SNX31: variants seen among roughly 807,000 people sequenced by gnomAD.
SNX31 encodes sorting nexin-31.
SNX31 carries 58 observed loss-of-function variants against 65.4 expected under a neutral mutation model. The observed-to-expected ratio is 0.89, with a 90% CI of 0.72 to 1.10. The LOEUF is 1.10. SNX31 is among the 50% of genes least tolerant of loss of function. The pLI, the probability that SNX31 is intolerant of heterozygous loss-of-function variation, is 0.00. For synonymous variants in SNX31, 181 were observed against 190.1 expected, an observed-to-expected ratio of 0.95 and a Z score of 0.39; for missense variants, 523 against 529.7, an observed-to-expected ratio of 0.99 and a Z score of 0.12.
At chr8:100,653,602 A>G (rs948514471), upstream of SNX31, among the ~76,000 whole-genome samples, 4 of 152,154 alleles carry the variant, frequency 2.6e-5, no homozygotes, top group East Asian at 7.7e-4. Flanking sequence ...TCAGCCCTAG[A>G]GCTTTCAGAG....
At chr8:100,646,813 T>C (rs1255670953) in intron 2 of SNX31, among the ~76,000 whole-genome samples, 6 of 152,232 alleles carry the variant, frequency 3.9e-5, no homozygotes, top group Non-Finnish European at 1.5e-5. Context: ...TATGTTAGTT[T>C]AGGACTCAGT....
intron 10 of SNX31, among the ~76,000 whole-genome samples, chr8:100,589,467 G>T (rs1185224119): frequency 6.6e-6 from 1 of 152,222 alleles, no homozygotes; most frequent in African/African-American, 2.4e-5. Context: ...CAGGTCTATG[G>T]AAGTAAATAG....
chr8:100,649,620 ACTCAGAGCGAACCCCGGCGCCCG>A lies in SNX31; in HGVS notation c.-129_-107del. 8.8e-7 allele frequency: 1 copy of A among 1,141,588 alleles called. No homozygotes were observed. Among genetic ancestry groups the A allele is most frequent in the East Asian group, 2.7e-5 (1 of 37,132 alleles). The allele number at this position is 1,141,588 out of a possible 1,614,324, so 70.7% of individuals were successfully genotyped here. A position where few individuals can be genotyped will look rare whatever the true frequency, so the allele number is the denominator to read the frequency against. The stretch of plus-strand genomic sequence containing the variant: ...TGGACGCAGCGCGGCCTGCCACGCG[ACTCAGAGCGAACCCCGGCGCCCG>A]CTCTCGCCGGCCGGGGACATCTACA... On this transcript the variant is annotated 5_prime_UTR_variant, in exon 1 of 14. It removes the in-frame stop codon of an upstream open reading frame in the 5' UTR. Transcript: ENST00000311812.
At position 100,613,201 on chromosome 8, in the gene SNX31, G is replaced by C; in HGVS notation, c.433-116C>G. 1 of 742,526 alleles carries C rather than the reference G, an allele frequency of 1.3e-6. No individual in the cohort carries two copies. Among genetic ancestry groups the C allele is most frequent in the East Asian group, 2.7e-5 (1 of 36,544 alleles). 46.0% of individuals were successfully genotyped at this position (742,526 alleles called of 1,614,324 possible). ...ACATCAATAAAAAATGCTGTCATGG[G>C]TTAGTGAACACTCAAAGAAAGCTTT... On this transcript the variant is annotated intron_variant, in intron 5 of 13. Transcript: ENST00000311812. This position sits in a 1 kb window ranked among gnomAD's most constrained non-coding sequence, Gnocchi z 5.2.
At chr8:100,627,288 G>A (rs1429653695) in intron 4 of SNX31, among the ~76,000 whole-genome samples, 1 of 152,210 alleles carries the variant, frequency 6.6e-6, no homozygotes, top group Non-Finnish European at 1.5e-5. Context: ...GGAGGTGGAA[G>A]TTGTGGTGAG....
At chr8:100,608,670 C>G in intron 7 of SNX31, 107 bp from the exon 8 acceptor site, 1 of 991,720 alleles carries the variant, frequency 1.0e-6, no homozygotes, top group Non-Finnish European at 1.6e-6. Flanking sequence ...CCAGGGCCCC[C>G]TTTTCCAACA....
In SNX31 at chr8:100,660,585, T is replaced by C. The variant is rs746121095; in HGVS notation, c.-58+2557A>G. Among the ~76,000 whole-genome samples, 20 of 152,206 alleles carry C rather than the reference T, an allele frequency of 1.3e-4. No individual in the cohort carries two copies. Among genetic ancestry groups the C allele is most frequent in the Non-Finnish European group, 7.3e-5 (5 of 68,036 alleles). On this transcript the variant is annotated intron_variant, in intron 1 of 5. Transcript: ENST00000520352. This position sits in a 1 kb window ranked among gnomAD's most constrained non-coding sequence, Gnocchi z 4.1. ...CTCTAACTCAAGTGGCAGGCGTCCC[T>C]GACCTGACAGAAGAAGGTTCTGTAG...
At chr8:100,656,316 A>G (rs566143768) in intron 1 of SNX31, among the ~76,000 whole-genome samples, 2 of 152,132 alleles carry the variant, frequency 1.3e-5, no homozygotes, top group Non-Finnish European at 2.9e-5. Flanking sequence ...AAGATTTTAA[A>G]GAAACTTCCA....
intron 12 of SNX31, among the ~76,000 whole-genome samples, chr8:100,579,766 G>A (rs929100581): frequency 6.6e-6 from 1 of 152,182 alleles, no homozygotes; most frequent in Non-Finnish European, 1.5e-5. Context: ...AAGCCATCTT[G>A]TTCTTCGCCA....
intron 2 of SNX31, among the ~76,000 whole-genome samples, chr8:100,639,545 G>A (rs926615475): frequency 6.6e-6 from 1 of 151,426 alleles, no homozygotes; most frequent in African/African-American, 2.4e-5. Context: ...TTACACATAA[G>A]GGGAAGAGGC....
intron 2 of SNX31, among the ~76,000 whole-genome samples, chr8:100,641,136 T>C (rs951204986): frequency 5.3e-5 from 8 of 152,304 alleles, no homozygotes; most frequent in Middle Eastern, 3.4e-3. Flanking sequence ...TCTGGAAAAC[T>C]GAGATCTGGA....
intron 1 of SNX31, among the ~76,000 whole-genome samples, chr8:100,661,617 C>T (rs930956440): frequency 2.6e-5 from 4 of 152,202 alleles, no homozygotes; most frequent in Admixed American, 6.5e-5. Flanking sequence ...CAGCCTCGAC[C>T]GCCTGGGCTC....
rs1815997784 is a variant in SNX31 at position 100,604,908 on chromosome 8, T to TC, written c.681+3585dup. On this transcript the variant is annotated intron_variant, in intron 8 of 13. Coordinates refer to ENST00000311812, the MANE Select transcript of SNX31 (RefSeq NM_152628.4). The surrounding 1 kb of genome is among the most constrained non-coding windows in gnomAD (Gnocchi z 4.3). ...ATGACTGCTTCTTAGTCTTTTTTTT[T>TC]CTTTTTTTTTGACAGAGTCTCGTGC... 6.6e-6 allele frequency among the ~76,000 whole-genome samples: 1 copy of TC among 152,120 alleles called. No homozygotes were observed. The highest frequency in any genetic ancestry group is 2.1e-4 in the South Asian group (1 of 4,826).
At chr8:100,597,502 C>T (rs890422350) in intron 9 of SNX31, among the ~76,000 whole-genome samples, 2 of 152,196 alleles carry the variant, frequency 1.3e-5, no homozygotes, top group African/African-American at 4.8e-5. Flanking sequence ...CTGAGCCTCC[C>T]AAAGTGCTGG....
In SNX31 at chr8:100,590,416, G is replaced by A. The variant is rs184856694; in HGVS notation, c.979-1437C>T. On this transcript the variant is annotated intron_variant, in intron 10 of 13. Transcript: ENST00000311812. ...AAAACCAGCCTGGGCACCATAGCAA[G>A]TCCTTGTCTCCAAAAAACAGGAATT... is the stretch of plus-strand genomic sequence containing the variant. 3.3e-3 allele frequency among the ~76,000 whole-genome samples: 498 copies of A among 152,072 alleles called. 1 individual carries two copies. The highest frequency in any genetic ancestry group is 0.011 in the African/African-American group (473 of 41,472).
chr8:100,589,187 G>A (rs934181843), intron 10 of SNX31, among the ~76,000 whole-genome samples: 1 of 151,600 alleles, frequency 6.6e-6, no homozygotes, highest in Non-Finnish European at 1.5e-5. Flanking sequence ...TGTAATCCCA[G>A]CTACTTGGGA....
At chr8:100,591,087 T>C (rs1404081177) in intron 10 of SNX31, among the ~76,000 whole-genome samples, 1 of 152,144 alleles carries the variant, frequency 6.6e-6, no homozygotes, top group East Asian at 1.9e-4. Flanking sequence ...GCGAGAGCTC[T>C]AGGGAGTTTT....
At chr8:100,652,145 A>AT (rs1200201343), upstream of SNX31, among the ~76,000 whole-genome samples, 2 of 151,952 alleles carry the variant, frequency 1.3e-5, no homozygotes, top group South Asian at 2.1e-4. Context: ...TGCCCGGCTA[A>AT]TTTTTTGTAT....
At position 100,626,106 on chromosome 8, in the gene SNX31, G is replaced by A. The variant is rs1200929408; in HGVS notation, c.321+4221C>T. ...CTGGGTGTGGTGGCATGCGCCTGTAGTCCCAGCAACTCAGGAGGCTGAGAC... is the reference window on the plus strand; with the variant it reads ...CTGGGTGTGGTGGCATGCGCCTGTAATCCCAGCAACTCAGGAGGCTGAGAC... On this transcript the variant is annotated intron_variant, in intron 4 of 13. Coordinates refer to ENST00000311812, the MANE Select transcript of SNX31 (RefSeq NM_152628.4). The surrounding 1 kb of genome is among the most constrained non-coding windows in gnomAD (Gnocchi z 4.4). 6.6e-6 allele frequency among the ~76,000 whole-genome samples: 1 copy of A among 152,146 alleles called. No homozygotes were observed. The highest frequency in any genetic ancestry group is 2.4e-5 in the African/African-American group (1 of 41,436).
Sources: allele counts gnomAD v4.1 joint callset (sites outside exome capture counted in the v4.1 genomes callset), GRCh38; gene constraint gnomAD v4.1.1; non-coding constraint Gnocchi (gnomAD v3.1); transcripts MANE v1.5; gene names NCBI Gene and HGNC (gene_info 2026-07-23, HGNC 2026-07-21).